CACNA1C: variants seen among roughly 807,000 people sequenced by gnomAD.
CACNA1C encodes voltage-dependent L-type calcium channel subunit alpha-1C.
A neutral mutation model predicts 229.0 loss-of-function variants in CACNA1C; 30 were observed. That is an observed-to-expected ratio of 0.13 (90% confidence interval 0.10 to 0.18). The LOEUF (loss-of-function observed/expected upper bound fraction) is 0.18. Ranked by LOEUF, CACNA1C falls within the 10% of genes least tolerant of loss-of-function variation. The pLI, the probability that CACNA1C is intolerant of heterozygous loss-of-function variation, is 1.00. For missense variants in CACNA1C, 1,658 were observed against 2,845.0 expected (o/e 0.58, Z 9.49); for synonymous variants, 1,114 against 1,132.5 (o/e 0.98, Z 0.33).
At chr12:2,686,555 T>C (rs1362819545) in intron 45 of CACNA1C, among the ~76,000 whole-genome samples, 1 of 152,262 alleles carries the variant, frequency 6.6e-6, no homozygotes, top group African/African-American at 2.4e-5. Flanking sequence ...CTGAGCTTTC[T>C]TCTTAGGCTG....
intron 1 of CACNA1C, among the ~76,000 whole-genome samples, chr12:1,978,559 T>G (rs563172270): frequency 3.9e-5 from 6 of 152,314 alleles, no homozygotes; most frequent in African/African-American, 1.4e-4. Flanking sequence ...TACAAGAAAA[T>G]GCACAGATCT....
intron 30 of CACNA1C, among the ~76,000 whole-genome samples, chr12:2,642,110 C>T (rs889842364): frequency 3.9e-5 from 6 of 152,090 alleles, no homozygotes; most frequent in Non-Finnish European, 8.8e-5. Context: ...AGGTTTGACC[C>T]GAAAGGTCAT....
intron 42 of CACNA1C, chr12:2,680,391 G>T: frequency 6.4e-7 from 1 of 1,558,808 alleles, no homozygotes; most frequent in Non-Finnish European, 8.7e-7. Flanking sequence ...GCTGGATGGT[G>T]GGACCTTCCC....
chr12:2,663,735 C>CTTTTTTTTTTTTTTTTTTTTT (rs55933898), intron 34 of CACNA1C, among the ~76,000 whole-genome samples: 1 of 103,894 alleles, frequency 9.6e-6, no homozygotes, highest in African/African-American at 4.0e-5. Flanking sequence ...AATAGAGTAT[C>CTTTTTTTTTTTTTTTTTTTTT]TTTTTTTTTT....
chr12:2,339,597 A>T (rs1319488115), intron 3 of CACNA1C, among the ~76,000 whole-genome samples: 1 of 152,094 alleles, frequency 6.6e-6, no homozygotes, highest in Admixed American at 6.5e-5. Context: ...CCTTTTTTCT[A>T]TGTGATGTAT....
chr12:2,175,219 A>G (rs1342855739), intron 3 of CACNA1C, among the ~76,000 whole-genome samples: 2 of 152,224 alleles, frequency 1.3e-5, no homozygotes, highest in Non-Finnish European at 2.9e-5. Context: ...TTCCCTTATT[A>G]TGTCGAAATA....
chr12:2,082,085 C>T (rs1380844435), intron 1 of CACNA1C, among the ~76,000 whole-genome samples: 1 of 152,148 alleles, frequency 6.6e-6, no homozygotes, highest in Admixed American at 6.5e-5. Flanking sequence ...GGGTAACACA[C>T]AGCAATAGTC....
In CACNA1C at chr12:2,556,892, C is replaced by T. The variant is rs559720530; in HGVS notation, c.1482-59C>T. The T allele has an allele frequency of 1.2e-4, 181 of 1,449,080 alleles. 2 individuals carry two copies. The highest frequency in any genetic ancestry group is 1.1e-3 in the South Asian group (100 of 87,778). The allele number at this position is 1,449,080 out of a possible 1,614,324, so 89.8% of individuals were successfully genotyped here. On this transcript the variant is annotated intron_variant, in intron 10 of 46. Coordinates refer to ENST00000399655, the MANE Select transcript of CACNA1C (RefSeq NM_000719.7). ...ATCAAATTTCCCTGGGACTGTTGAC[C>T]GTCTTTTAAATGCACGTGTGTGTCC...
At chr12:2,017,529 TAG>T (rs147557673) in intron 1 of CACNA1C, among the ~76,000 whole-genome samples, 4,292 of 152,208 alleles carry the variant, frequency 0.028, 208 homozygotes, top group African/African-American at 0.099. Flanking sequence ...AGCTTCCAGA[TAG>T]AGTTTTTCAC....
At chr12:2,257,748 G>C (rs753777280) in intron 3 of CACNA1C, among the ~76,000 whole-genome samples, 3 of 152,208 alleles carry the variant, frequency 2.0e-5, no homozygotes, top group Non-Finnish European at 4.4e-5. Flanking sequence ...AAGCAGTGAG[G>C]TTCCAAACTA....
intron 9 of CACNA1C, among the ~76,000 whole-genome samples, chr12:2,535,155 C>T (rs1332919953): frequency 3.9e-5 from 6 of 152,082 alleles, no homozygotes; most frequent in Non-Finnish European, 7.4e-5. Context: ...TTTGGGAGGC[C>T]GAGGCGGGCA....
At chr12:2,246,035 A>G (rs2073051749) in intron 3 of CACNA1C, among the ~76,000 whole-genome samples, 1 of 152,176 alleles carries the variant, frequency 6.6e-6, no homozygotes. Flanking sequence ...TGTGCGTGGT[A>G]CACCCATGGT....
rs2072119015 is a variant in CACNA1C at position 2,601,397 on chromosome 12, C to T, written c.2854-457C>T. Among the ~76,000 whole-genome samples, 1 of 151,266 alleles carries T rather than the reference C, an allele frequency of 6.6e-6. No individual in the cohort carries two copies. The highest frequency in any genetic ancestry group is 1.5e-5 in the Non-Finnish European group (1 of 67,824). On this transcript the variant is annotated intron_variant, in intron 21 of 46. Transcript: ENST00000399655. The surrounding 1 kb of genome is among the most constrained non-coding windows in gnomAD (Gnocchi z 5.9). The stretch of plus-strand genomic sequence containing the variant: ...CTGCTGGGCATGCCCCGCCCCCCAA[C>T]CCACCCACTCACGGCAGATGTCTGG...
At chr12:2,062,982 G>A (rs1004909159) in intron 1 of CACNA1C, among the ~76,000 whole-genome samples, 27 of 152,068 alleles carry the variant, frequency 1.8e-4, no homozygotes, top group Non-Finnish European at 3.5e-4. Flanking sequence ...CCCTTTTGAT[G>A]TGTATGATTC....
chr12:2,012,100 T>A (rs1278558939), intron 1 of CACNA1C, among the ~76,000 whole-genome samples: 1 of 152,208 alleles, frequency 6.6e-6, no homozygotes, highest in Non-Finnish European at 1.5e-5. Context: ...CAAAGGTAAT[T>A]GAACTGCAAA....
At chr12:2,465,552 C>T (rs769580985) in intron 5 of CACNA1C, among the ~76,000 whole-genome samples, 17 of 152,138 alleles carry the variant, frequency 1.1e-4, no homozygotes, top group African/African-American at 2.9e-4. Context: ...AACCCATTAC[C>T]GAAAAGGAAG....
chr12:2,028,507 A>C (rs548410762), intron 1 of CACNA1C, among the ~76,000 whole-genome samples: 3 of 152,284 alleles, frequency 2.0e-5, no homozygotes, highest in African/African-American at 7.2e-5. Flanking sequence ...ATGTTCTTTT[A>C]TTATCCTATT....
At chr12:2,091,881 C>G (rs370153118) in intron 1 of CACNA1C, among the ~76,000 whole-genome samples, 17 of 152,248 alleles carry the variant, frequency 1.1e-4, no homozygotes, top group African/African-American at 4.1e-4. Flanking sequence ...TTGGGCTTGA[C>G]TTTGGTTTGG....
intron 4 of CACNA1C, among the ~76,000 whole-genome samples, chr12:2,454,632 A>G (rs1423937240): frequency 1.3e-5 from 2 of 152,174 alleles, no homozygotes; most frequent in African/African-American, 4.8e-5. Flanking sequence ...GGAAAGGGTC[A>G]AGAAATCTGC....
Sources: gnomAD v4.1 joint callset for allele counts (sites outside exome capture counted in the v4.1 genomes callset) on GRCh38, gnomAD v4.1.1 for gene constraint, Gnocchi (gnomAD v3.1) non-coding constraint, MANE v1.5 for transcripts, NCBI Gene and HGNC (gene_info 2026-07-23, HGNC 2026-07-21) for gene names.